Variants in MDGA2 observed in about 807,000 individuals in gnomAD.
MDGA2 encodes MAM domain-containing glycosylphosphatidylinositol anchor protein 2.
Under a neutral mutation model 117.8 loss-of-function variants are expected in MDGA2, and 40 were observed. The observed-to-expected ratio is 0.34, with a 90% CI of 0.26 to 0.44. The LOEUF (loss-of-function observed/expected upper bound fraction) is 0.44. MDGA2 is among the 20% of genes least tolerant of loss of function. The pLI, the probability that MDGA2 is intolerant of heterozygous loss-of-function variation, is 1.00. For synonymous variants in MDGA2, 452 were observed against 439.0 expected, an observed-to-expected ratio of 1.03 and a Z score of -0.37; for missense variants, 1,123 against 1,250.6, an observed-to-expected ratio of 0.90 and a Z score of 1.54.
chr14:47,627,665 G>T (rs923286556), intron 1 of MDGA2, among the ~76,000 whole-genome samples: 1 of 152,182 alleles, frequency 6.6e-6, no homozygotes. Flanking sequence ...CAATCAGCAG[G>T]ATGTGGGTAG....
At chr14:47,073,370 G>A (rs753701980) in intron 6 of MDGA2, among the ~76,000 whole-genome samples, 16 of 152,108 alleles carry the variant, frequency 1.1e-4, no homozygotes, top group Non-Finnish European at 2.2e-4. Context: ...AATGTTGTAC[G>A]GTTAGCTCTA....
At chr14:47,530,638 C>T (rs1454758411) in intron 1 of MDGA2, among the ~76,000 whole-genome samples, 3 of 152,066 alleles carry the variant, frequency 2.0e-5, no homozygotes, top group African/African-American at 4.8e-5. Flanking sequence ...TTGGCGGCAT[C>T]GCAGGACCAG....
At chr14:47,038,834 C>A (rs1412870322) in intron 7 of MDGA2, among the ~76,000 whole-genome samples, 1 of 151,448 alleles carries the variant, frequency 6.6e-6, no homozygotes, top group Non-Finnish European at 1.5e-5. Flanking sequence ...CCTAGCTACT[C>A]TGGAGGCTTA....
intron 1 of MDGA2, among the ~76,000 whole-genome samples, chr14:47,539,893 C>A (rs1895302600): frequency 6.6e-6 from 1 of 152,240 alleles, no homozygotes; most frequent in African/African-American, 2.4e-5. Flanking sequence ...ATGCTCACCA[C>A]ACTGGCCTCG....
At position 46,884,130 on chromosome 14, in the gene MDGA2, A is replaced by G. The variant is rs1455662855; in HGVS notation, c.2239-1909T>C. On this transcript the variant is annotated intron_variant, in intron 10 of 16. Coordinates refer to ENST00000399232, the MANE Select transcript of MDGA2 (RefSeq NM_001113498.3). The surrounding 1 kb of genome is among the most constrained non-coding windows in gnomAD (Gnocchi z 4.1). ...TTCTGACATGCTCCTAAGGTCATCAACAACATGGCCTACTTTTACTTTGAT... is the reference window on the plus strand; with the variant it reads ...TTCTGACATGCTCCTAAGGTCATCAGCAACATGGCCTACTTTTACTTTGAT... Among the ~76,000 whole-genome samples, 1 of 152,116 alleles carries G rather than the reference A, an allele frequency of 6.6e-6. No homozygotes were observed. Among genetic ancestry groups the G allele is most frequent in the Non-Finnish European group, 1.5e-5 (1 of 68,020 alleles).
intron 1 of MDGA2, among the ~76,000 whole-genome samples, chr14:47,394,756 A>G (rs574886502): frequency 4.6e-5 from 7 of 152,324 alleles, no homozygotes; most frequent in African/African-American, 1.7e-4. Context: ...AATTAAAACA[A>G]AAATATATTA....
Position 47,311,292 on chromosome 14 carries a change from A to G in MDGA2, c.281-9742T>C, listed in dbSNP as rs147045170. ...ATTAGAGAGAGACGTTATTTCTTCC[A>G]GCCTAACTCATCAAGAAAACAAATA... On this transcript the variant is annotated intron_variant, in intron 1 of 16. Coordinates refer to ENST00000399232, the MANE Select transcript of MDGA2 (RefSeq NM_001113498.3). Among the ~76,000 whole-genome samples the G allele has an allele frequency of 3.3e-4, 51 of 152,314 alleles. No homozygotes were observed. The East Asian group carries it at 4.1e-3, about 12-fold the overall frequency.
At chr14:46,901,759 C>A (rs3007108) in intron 10 of MDGA2, among the ~76,000 whole-genome samples, 148,460 of 152,308 alleles carry the variant, frequency 0.97, 72,466 homozygotes, top group East Asian at 1. Flanking sequence ...ACTGAGGCTC[C>A]CTGCTAGGGT....
At chr14:46,899,656 G>T (rs867302523) in intron 10 of MDGA2, among the ~76,000 whole-genome samples, 50 of 151,312 alleles carry the variant, frequency 3.3e-4, no homozygotes, top group African/African-American at 1.1e-3. Flanking sequence ...ATTTTTAACC[G>T]AAATGTAAGA....
chr14:47,290,652 T>C (rs568615961), intron 2 of MDGA2, among the ~76,000 whole-genome samples: 2 of 152,018 alleles, frequency 1.3e-5, no homozygotes, highest in East Asian at 3.9e-4. Context: ...GCAACACAGG[T>C]CAGCAGCAAA....
chr14:47,236,684 A>G (rs1041701497), intron 2 of MDGA2, among the ~76,000 whole-genome samples: 2 of 152,200 alleles, frequency 1.3e-5, no homozygotes, highest in Non-Finnish European at 2.9e-5. Flanking sequence ...AGAGCAGATA[A>G]AAGGATGCTG....
chr14:47,217,913 T>A, intron 3 of MDGA2, 108 bp downstream of exon 3: 1 of 881,614 alleles, frequency 1.1e-6, no homozygotes, highest in Non-Finnish European at 1.6e-6. Flanking sequence ...TACACAGTTT[T>A]CATTCTCAGC....
chr14:46,984,382 T>C (rs1437034851), intron 8 of MDGA2, among the ~76,000 whole-genome samples: 1 of 151,972 alleles, frequency 6.6e-6, no homozygotes, highest in Non-Finnish European at 1.5e-5. Flanking sequence ...ATATTATGAG[T>C]GTTTCAATTA....
intron 3 of MDGA2, among the ~76,000 whole-genome samples, chr14:47,163,269 G>C (rs1459445771): frequency 6.6e-6 from 1 of 152,178 alleles, no homozygotes; most frequent in Non-Finnish European, 1.5e-5. Flanking sequence ...CCTCAGGACA[G>C]AGAACACTTT....
intron 10 of MDGA2, among the ~76,000 whole-genome samples, chr14:46,909,850 T>C (rs1037446377): frequency 8.5e-5 from 13 of 152,102 alleles, no homozygotes; most frequent in African/African-American, 2.9e-4. Flanking sequence ...TGCTAAGATA[T>C]GGAACTCTAA....
chr14:47,177,280 A>T (rs1884502249), intron 3 of MDGA2, among the ~76,000 whole-genome samples: 1 of 152,048 alleles, frequency 6.6e-6, no homozygotes, highest in African/African-American at 2.4e-5. Context: ...ATACCATTTG[A>T]CCCAGCCATC....
intron 1 of MDGA2, among the ~76,000 whole-genome samples, chr14:47,563,488 A>C (rs1224729045): frequency 6.6e-6 from 1 of 151,254 alleles, no homozygotes. Flanking sequence ...CTTTACTATT[A>C]AGCAATGCCC....
At chr14:47,567,621 A>C (rs1485688848) in intron 1 of MDGA2, among the ~76,000 whole-genome samples, 1 of 152,150 alleles carries the variant, frequency 6.6e-6, no homozygotes, top group African/African-American at 2.4e-5. Flanking sequence ...GGCTGAACAC[A>C]TGCTCTTCTG....
chr14:47,319,175 G>A (rs565031368), intron 1 of MDGA2, among the ~76,000 whole-genome samples: 12 of 152,194 alleles, frequency 7.9e-5, no homozygotes, highest in Non-Finnish European at 1.5e-4. Flanking sequence ...TTGGTGGATC[G>A]TCAATCACCT....
Sources: gnomAD v4.1 joint callset for allele counts (sites outside exome capture counted in the v4.1 genomes callset) on GRCh38, gnomAD v4.1.1 for gene constraint, Gnocchi (gnomAD v3.1) non-coding constraint, MANE v1.5 for transcripts, NCBI Gene and HGNC (gene_info 2026-07-23, HGNC 2026-07-21) for gene names.